CNTNAP4: variants seen among roughly 807,000 people sequenced by gnomAD.
CNTNAP4 encodes the protein contactin associated protein family member 4, also known as contactin-associated protein-like 4.
Under a neutral mutation model 148.4 loss-of-function variants are expected in CNTNAP4, and 98 were observed. The ratio of observed to expected loss-of-function variants is 0.66; its 90% CI spans 0.56 to 0.78. CNTNAP4 has a LOEUF of 0.78. Among genes scored for constraint, CNTNAP4 ranks in the 30% least tolerant of loss-of-function variants. The probability of loss-of-function intolerance (pLI) is 0.00; values close to 1 mark genes in which losing one functional copy is unlikely to be tolerated. For synonymous variants in CNTNAP4, 730 were observed against 565.1 expected (o/e 1.29, Z -4.14); for missense variants, 1,935 against 1,565.6 (o/e 1.24, Z -3.98).
chr16:76,512,318 C>G (rs1315732794), intron 15 of CNTNAP4, among the ~76,000 whole-genome samples: 1 of 152,092 alleles, frequency 6.6e-6, no homozygotes, highest in African/African-American at 2.4e-5. Context: ...AAGCTCAAAG[C>G]AAGGAAACCA....
intron 15 of CNTNAP4, among the ~76,000 whole-genome samples, chr16:76,502,870 A>T (rs1378325493): frequency 6.6e-6 from 1 of 152,090 alleles, no homozygotes; most frequent in African/African-American, 2.4e-5. Flanking sequence ...CAAACGAGAG[A>T]TATTGAAAAA....
chr16:76,366,617 T>C (rs527715568), intron 3 of CNTNAP4, among the ~76,000 whole-genome samples: 13 of 152,190 alleles, frequency 8.5e-5, no homozygotes, highest in South Asian at 2.1e-4. Flanking sequence ...GTCTTTGTGG[T>C]AGAATGATTT....
chr16:76,330,657 TTAGC>T (rs765518513), intron 2 of CNTNAP4, among the ~76,000 whole-genome samples: 2 of 152,346 alleles, frequency 1.3e-5, no homozygotes, highest in African/African-American at 2.4e-5. Flanking sequence ...ATAGTTTCTC[TTAGC>T]TAGCCCGTCT....
intron 2 of CNTNAP4, among the ~76,000 whole-genome samples, chr16:76,345,788 A>G (rs889290180): frequency 6.6e-6 from 1 of 152,196 alleles, no homozygotes; most frequent in East Asian, 1.9e-4. Context: ...AGGGGCAGAG[A>G]CAGAATTTAC....
chr16:76,307,221 A>G (rs962435856), intron 1 of CNTNAP4, among the ~76,000 whole-genome samples: 17 of 152,072 alleles, frequency 1.1e-4, no homozygotes, highest in Non-Finnish European at 2.5e-4. Context: ...TAAGTGGAAA[A>G]ACAGAGGATA....
rs1046725189 is a variant in CNTNAP4 at position 76,558,999 on chromosome 16, T to C, written c.*316T>C. ...AACTGTAGCCTTGGTCTCTTAACCA[T>C]GTAATACATAAGTTTTGTTAGAGGT... On this transcript the variant is annotated 3_prime_UTR_variant, in exon 24 of 24. Coordinates refer to ENST00000611870, the MANE Select transcript of CNTNAP4 (RefSeq NM_033401.5). 5.6e-6 allele frequency: 1 copy of C among 179,640 alleles called. No individual in the cohort carries two copies. The highest frequency in any genetic ancestry group is 1.2e-5 in the Non-Finnish European group (1 of 86,460). The allele number at this position is 179,640 out of a possible 1,614,324, so 11.1% of individuals were successfully genotyped here. A position where few individuals can be genotyped will look rare whatever the true frequency, so the allele number is the denominator to read the frequency against.
intron 3 of CNTNAP4, among the ~76,000 whole-genome samples, chr16:76,367,270 A>C (rs1567875447): frequency 1.3e-5 from 2 of 151,918 alleles, no homozygotes; most frequent in South Asian, 2.1e-4. Flanking sequence ...AAATAGATTT[A>C]ATATAAATAT....
chr16:76,474,362 C>T (rs1015192130), intron 10 of CNTNAP4, among the ~76,000 whole-genome samples: 2 of 152,070 alleles, frequency 1.3e-5, no homozygotes, highest in African/African-American at 4.8e-5. Context: ...CTAAAGTAAA[C>T]GCTCTAAGAT....
rs777816722 is a variant in CNTNAP4 at position 76,277,712 on chromosome 16, C to T, written c.50C>T (p.Thr17Ile). The part of the protein sequence containing the change: ...AVLKTLLLLS[T>I]QNWNRVEAGN... ...CTCAAGACGCTACTTCTGTTATCTA[C>T]TCAAAATTGGAACAGAGTCGAAGCT... The change falls in exon 1 of 24, where the codon ACT becomes ATT. Residue 17 changes from threonine (T) to isoleucine (I), a missense_variant. By Grantham distance (89) the Thr-to-Ile change is moderately conservative. Coordinates refer to ENST00000611870, the MANE Select transcript of CNTNAP4 (RefSeq NM_033401.5). 6.2e-7 allele frequency: 1 copy of T among 1,605,516 alleles called. No individual in the cohort carries two copies. The highest frequency in any genetic ancestry group is 8.5e-7 in the Non-Finnish European group (1 of 1,175,424).
intron 15 of CNTNAP4, among the ~76,000 whole-genome samples, chr16:76,504,654 A>C (rs181993700): frequency 6.6e-6 from 1 of 152,150 alleles, no homozygotes; most frequent in Non-Finnish European, 1.5e-5. Flanking sequence ...TTAAAATGAC[A>C]CTGTCGAGAA....
chr16:76,511,524 C>G (rs1425596642), intron 15 of CNTNAP4, among the ~76,000 whole-genome samples: 1 of 151,934 alleles, frequency 6.6e-6, no homozygotes, highest in Admixed American at 6.6e-5. Flanking sequence ...ACATATAAAC[C>G]GTTAAAAAAA....
At chr16:76,473,789 A>C (rs2081456914) in intron 10 of CNTNAP4, among the ~76,000 whole-genome samples, 1 of 152,122 alleles carries the variant, frequency 6.6e-6, no homozygotes, top group South Asian at 2.1e-4. Context: ...AATAAAAATA[A>C]AGGAGATTGC....
At chr16:76,476,617 C>T (rs1215158924) in intron 11 of CNTNAP4, among the ~76,000 whole-genome samples, 1 of 152,154 alleles carries the variant, frequency 6.6e-6, no homozygotes, top group Admixed American at 6.5e-5. Flanking sequence ...ATCAAGATGC[C>T]AGCAGATTAG....
intron 21 of CNTNAP4, among the ~76,000 whole-genome samples, chr16:76,550,617 T>C (rs1260711031): frequency 3.9e-5 from 6 of 151,992 alleles, no homozygotes; most frequent in Non-Finnish European, 8.8e-5. Context: ...CCAATTATGC[T>C]CCTATGAGAG....
intron 23 of CNTNAP4, 91 bp from the exon 24 acceptor site, chr16:76,558,399 A>G: frequency 2.9e-6 from 2 of 689,380 alleles, no homozygotes; most frequent in Non-Finnish European, 4.9e-6. Context: ...TAAAGTGGAA[A>G]ATAGTGTTAT....
intron 3 of CNTNAP4, among the ~76,000 whole-genome samples, chr16:76,372,056 C>T (rs1267254802): frequency 2.6e-5 from 4 of 152,088 alleles, no homozygotes; most frequent in East Asian, 1.9e-4. Context: ...TTTAATCAAC[C>T]GAATTTCCAA....
intron 15 of CNTNAP4, among the ~76,000 whole-genome samples, chr16:76,520,590 C>G (rs12596018): frequency 1.3e-5 from 2 of 151,920 alleles, no homozygotes; most frequent in Middle Eastern, 3.2e-3. Flanking sequence ...ACAGAGTAAG[C>G]TGCATGTTGG....
intron 3 of CNTNAP4, among the ~76,000 whole-genome samples, chr16:76,400,755 A>T (rs998299560): frequency 9.9e-5 from 15 of 152,172 alleles, no homozygotes; most frequent in Non-Finnish European, 1.5e-4. Context: ...TTTTCTACTT[A>T]TGGCTAGCTG....
chr16:76,461,052 A>C (rs2080941994), intron 8 of CNTNAP4, among the ~76,000 whole-genome samples: 1 of 151,874 alleles, frequency 6.6e-6, no homozygotes, highest in Non-Finnish European at 1.5e-5. Flanking sequence ...CTTATGGCCA[A>C]CAGCACCCTA....
Sources: allele counts gnomAD v4.1 joint callset (sites outside exome capture counted in the v4.1 genomes callset), GRCh38; gene constraint gnomAD v4.1.1; transcripts MANE v1.5; gene names NCBI Gene and HGNC (gene_info 2026-07-23, HGNC 2026-07-21).